Variants in LSM14A observed in about 807,000 individuals in gnomAD.
LSM14A encodes the protein LSM14A mRNA processing body assembly factor, also known as protein LSM14 homolog A.
Under a neutral mutation model 52.4 loss-of-function variants are expected in LSM14A, and 14 were observed. The observed-to-expected ratio is 0.27, with a 90% CI of 0.18 to 0.42. The LOEUF (loss-of-function observed/expected upper bound fraction) is 0.42. Among genes scored for constraint, LSM14A ranks in the 10% least tolerant of loss-of-function variants. The pLI is 1.00. For missense variants in LSM14A, 417 were observed against 581.8 expected (o/e 0.72, Z 2.91); for synonymous variants, 185 against 200.3 (o/e 0.92, Z 0.64).
chr19:34,222,057 T>C (rs1293906967), intron 9 of LSM14A, among the ~76,000 whole-genome samples: 2 of 152,234 alleles, frequency 1.3e-5, no homozygotes, highest in Non-Finnish European at 2.9e-5. Flanking sequence ...ATATAGTATT[T>C]ACCAAGTAAC....
At chr19:34,200,824 G>A (rs973210338) in intron 3 of LSM14A, among the ~76,000 whole-genome samples, 3 of 152,090 alleles carry the variant, frequency 2.0e-5, no homozygotes, top group Non-Finnish European at 4.4e-5. Context: ...ATCCTTTCCT[G>A]GGGATTCAAG....
At chr19:34,226,051 G>A (rs774896007) in intron 9 of LSM14A, among the ~76,000 whole-genome samples, 9 of 151,562 alleles carry the variant, frequency 5.9e-5, no homozygotes, top group Non-Finnish European at 1.3e-4. Context: ...GACAGAGCGA[G>A]GCCTGTCTCA....
In LSM14A at chr19:34,219,489, A is replaced by G. The variant is rs1447325664; in HGVS notation, c.880A>G (p.Lys294Glu). The change falls in exon 7 of 10, where the codon AAA (lysine) becomes GAA (glutamate). Residue 294 changes from lysine (K) to glutamate (E), a missense_variant. By Grantham distance (56) the Lys-to-Glu change is moderately conservative. Around this residue, in one of 2 missense-constraint regions of LSM14A, gnomAD observed 357 missense variants for 457.0 expected, o/e 0.78. Coordinates refer to ENST00000544216, the MANE Select transcript of LSM14A (RefSeq NM_015578.4). ...IRRDGPMKFE[K>E]DFDFESANAQ... ...GCGAGATGGGCCAATGAAATTTGAGAAAGACTTTGACTTTGAAAGTGCAAA... is the reference window on the plus strand; with the variant it reads ...GCGAGATGGGCCAATGAAATTTGAGGAAGACTTTGACTTTGAAAGTGCAAA... The G allele has an allele frequency of 6.2e-7, 1 of 1,614,046 alleles. No homozygotes were observed. The highest frequency in any genetic ancestry group is 2.2e-5 in the East Asian group (1 of 44,886).
At chr19:34,224,014 C>A (rs1366518715) in intron 9 of LSM14A, among the ~76,000 whole-genome samples, 1 of 152,094 alleles carries the variant, frequency 6.6e-6, no homozygotes, top group African/African-American at 2.4e-5. Context: ...GGCATCCATC[C>A]CACCCCAGGG....
intron 1 of LSM14A, 98 bp downstream of exon 1, chr19:34,172,861 C>T: frequency 1.5e-6 from 2 of 1,358,184 alleles, no homozygotes; most frequent in Non-Finnish European, 1.9e-6. Flanking sequence ...TCCCCTCCCT[C>T]CGTCGAGCTC....
At chr19:34,209,410 C>G (rs964333103) in intron 4 of LSM14A, among the ~76,000 whole-genome samples, 1 of 152,122 alleles carries the variant, frequency 6.6e-6, no homozygotes, top group Admixed American at 6.5e-5. Flanking sequence ...CTGAAAAAAA[C>G]TGTATTATGC....
At chr19:34,208,543 T>A (rs911732749) in intron 3 of LSM14A, 3 of 156,036 alleles carry the variant, frequency 1.9e-5, no homozygotes, top group African/African-American at 7.2e-5. Flanking sequence ...TCTGCTGATT[T>A]GGCTGTTTGT....
intron 3 of LSM14A, among the ~76,000 whole-genome samples, chr19:34,201,561 T>C (rs888986014): frequency 1.5e-4 from 23 of 152,170 alleles, no homozygotes; most frequent in African/African-American, 5.3e-4. Flanking sequence ...CAGGCTGGTC[T>C]CAAACTCCTG....
At chr19:34,226,836 C>G (rs2073372608) in intron 9 of LSM14A, among the ~76,000 whole-genome samples, 1 of 152,144 alleles carries the variant, frequency 6.6e-6, no homozygotes, top group South Asian at 2.1e-4. Context: ...AGTCAGCTTT[C>G]TACTTTTCAG....
intron 1 of LSM14A, among the ~76,000 whole-genome samples, chr19:34,189,441 G>C (rs537336056): frequency 1.3e-5 from 2 of 152,170 alleles, no homozygotes; most frequent in Non-Finnish European, 2.9e-5. Flanking sequence ...ACCTGGGACA[G>C]GTGGTGCCCA....
chr19:34,201,316 G>C (rs1244197907), intron 3 of LSM14A, among the ~76,000 whole-genome samples: 1 of 152,186 alleles, frequency 6.6e-6, no homozygotes, highest in Non-Finnish European at 1.5e-5. Context: ...CAAGGTGACA[G>C]ATGTTTTTCA....
At chr19:34,221,894 A>G (rs2145887222) in intron 9 of LSM14A, 156 bp downstream of exon 9, 3 of 1,380,070 alleles carry the variant, frequency 2.2e-6, no homozygotes, top group Non-Finnish European at 2.9e-6. Context: ...ATTCAGATGT[A>G]TATATAAAGA....
chr19:34,221,710 G>T lies in LSM14A; in HGVS notation c.1340G>T (p.Gly447Val). 1 of 1,613,356 alleles carries T rather than the reference G, an allele frequency of 6.2e-7. No individual in the cohort carries two copies. Among genetic ancestry groups the T allele is most frequent in the Non-Finnish European group, 8.5e-7 (1 of 1,179,356 alleles). Residue 447 changes from glycine to valine, a missense_variant, in exon 9 of 10, where the codon GGC (glycine) becomes GTC (valine). Around this residue, in one of 2 missense-constraint regions of LSM14A, gnomAD observed 357 missense variants for 457.0 expected, o/e 0.78. Coordinates refer to ENST00000544216, the MANE Select transcript of LSM14A (RefSeq NM_015578.4). ...GGTGGATTCAGAGGAGGTCGTGGGG[G>T]CCGGGAGTTTGCGGATTTTGAATAT... ...FRGGFRGGRG[G>V]REFADFEYRK... is the part of the protein sequence containing the mutation.
chr19:34,177,776 G>A (rs1409219518), intron 1 of LSM14A, among the ~76,000 whole-genome samples: 5 of 152,102 alleles, frequency 3.3e-5, no homozygotes, highest in Non-Finnish European at 5.9e-5. Context: ...CATGTCTGTC[G>A]TCCCAGCCAC....
intron 1 of LSM14A, among the ~76,000 whole-genome samples, chr19:34,177,171 A>G (rs2069143541): frequency 1.3e-5 from 2 of 152,166 alleles, no homozygotes; most frequent in Non-Finnish European, 2.9e-5. Context: ...TATATTGCAA[A>G]CATTTTTTCC....
intron 1 of LSM14A, among the ~76,000 whole-genome samples, chr19:34,192,925 G>A (rs1436686170): frequency 6.6e-6 from 1 of 151,876 alleles, no homozygotes. Context: ...GTTACAGTGA[G>A]CCAAGATTGC....
At chr19:34,191,563 T>G (rs1237337553) in intron 1 of LSM14A, among the ~76,000 whole-genome samples, 2 of 152,104 alleles carry the variant, frequency 1.3e-5, no homozygotes, top group Non-Finnish European at 2.9e-5. Flanking sequence ...TTTTTCTTGA[T>G]TCCCTGATTT....
chr19:34,222,113 T>G (rs2073100338), intron 9 of LSM14A, among the ~76,000 whole-genome samples: 1 of 152,222 alleles, frequency 6.6e-6, no homozygotes, highest in Non-Finnish European at 1.5e-5. Context: ...TTATTTAAAC[T>G]GCACATCAAC....
rs761407444 is a variant in LSM14A at position 34,229,058 on chromosome 19, A to G, written c.*1670A>G. Reference sequence around the variant, plus strand: ...ATCAGAGCAAGTACCATGGCAATACATGTGTAGACTGTTGGAGATGTCCCG... The same window carrying G: ...ATCAGAGCAAGTACCATGGCAATACGTGTGTAGACTGTTGGAGATGTCCCG... On this transcript the variant is annotated 3_prime_UTR_variant, in exon 10 of 10. Coordinates refer to ENST00000544216, the MANE Select transcript of LSM14A (RefSeq NM_015578.4). 3.3e-5 allele frequency: 5 copies of G among 152,214 alleles called. No individual in the cohort carries two copies. The highest frequency in any genetic ancestry group is 5.9e-5 in the Non-Finnish European group (4 of 68,044). The allele number at this position is 152,214 out of a possible 1,614,324, so 9.4% of individuals were successfully genotyped here. A position where few individuals can be genotyped will look rare whatever the true frequency, so the allele number is the denominator to read the frequency against.
Sources: gnomAD v4.1 joint callset for allele counts (sites outside exome capture counted in the v4.1 genomes callset) on GRCh38, gnomAD v4.1.1 for gene constraint, gnomAD v4.1.1 regional missense constraint, MANE v1.5 for transcripts, NCBI Gene and HGNC (gene_info 2026-07-23, HGNC 2026-07-21) for gene names.